The following ARHGAP26 variants were observed in gnomAD, a reference collection of about 807,000 sequenced individuals.
ARHGAP26 encodes the protein Rho GTPase activating protein 26.
In ARHGAP26, 38 loss-of-function variants were observed where a neutral mutation model predicts 104.8. That is an observed-to-expected ratio of 0.36 (90% CI 0.28 to 0.48). The LOEUF (loss-of-function observed/expected upper bound fraction) is 0.48. Among genes scored for constraint, ARHGAP26 ranks in the 20% least tolerant of loss-of-function variants. The pLI is 0.99. For synonymous variants in ARHGAP26, 341 were observed against 340.0 expected (o/e 1.00, Z -0.03); for missense variants, 704 against 947.9 (o/e 0.74, Z 3.38).
intron 4 of ARHGAP26, among the ~76,000 whole-genome samples, chr5:142,881,955 G>C (rs1438277950): frequency 6.6e-6 from 1 of 152,192 alleles, no homozygotes; most frequent in Non-Finnish European, 1.5e-5. Context: ...AGATTCTTGG[G>C]CATTCTTATG....
chr5:143,221,943 A>AGGAAGGAT (rs1164337160), intron 22 of ARHGAP26, among the ~76,000 whole-genome samples: 1 of 151,464 alleles, frequency 6.6e-6, no homozygotes, highest in Non-Finnish European at 1.5e-5. Flanking sequence ...GAAGGAAGGA[A>AGGAAGGAT]GGAAGGATGG....
intron 19 of ARHGAP26, among the ~76,000 whole-genome samples, chr5:143,137,554 C>T (rs967755035): frequency 9.2e-5 from 14 of 152,358 alleles, no homozygotes; most frequent in Non-Finnish European, 1.6e-4. Context: ...TGCGCACTCC[C>T]GCATACCTCT....
chr5:143,147,522 C>T, intron 20 of ARHGAP26, 141 bp downstream of exon 20: 1 of 1,001,108 alleles, frequency 1.0e-6, no homozygotes. Context: ...GGGAGCTCAG[C>T]TGGCTTGTTG....
intron 21 of ARHGAP26, among the ~76,000 whole-genome samples, chr5:143,210,358 A>G (rs1809260335): frequency 6.6e-6 from 1 of 151,996 alleles, no homozygotes; most frequent in Non-Finnish European, 1.5e-5. Context: ...GACCGTCCCC[A>G]GTGATTCAAT....
At chr5:143,022,001 C>T (rs556564214) in intron 12 of ARHGAP26, among the ~76,000 whole-genome samples, 2 of 152,154 alleles carry the variant, frequency 1.3e-5, no homozygotes, top group Non-Finnish European at 2.9e-5. Flanking sequence ...TTTAAATTAC[C>T]ATCTAGACTT....
chr5:142,837,797 T>C (rs1216455279), intron 1 of ARHGAP26, among the ~76,000 whole-genome samples: 1 of 152,218 alleles, frequency 6.6e-6, no homozygotes, highest in Non-Finnish European at 1.5e-5. Context: ...TTCTCTTTTC[T>C]TAGGACTAAC....
At chr5:143,058,033 T>A in intron 17 of ARHGAP26, 1 of 599,112 alleles carries the variant, frequency 1.7e-6, no homozygotes, top group Non-Finnish European at 3.2e-6. Context: ...TGGAGTGTGT[T>A]GTCCATGATA....
chr5:143,090,865 C>T (rs1185476070), intron 17 of ARHGAP26, among the ~76,000 whole-genome samples: 2 of 152,112 alleles, frequency 1.3e-5, no homozygotes, highest in African/African-American at 2.4e-5. Context: ...CGAAATCTCC[C>T]CAGATTAAAT....
intron 11 of ARHGAP26, among the ~76,000 whole-genome samples, chr5:142,983,634 A>T (rs1774272131): frequency 6.6e-6 from 1 of 152,262 alleles, no homozygotes; most frequent in African/African-American, 2.4e-5. Flanking sequence ...TCGAAAAAAT[A>T]AACTATATTT....
chr5:142,948,372 T>C (rs1057175828), intron 11 of ARHGAP26, among the ~76,000 whole-genome samples: 15 of 150,842 alleles, frequency 9.9e-5, no homozygotes, highest in African/African-American at 3.7e-4. Flanking sequence ...TGTATATATA[T>C]ATGAGTATAT....
At chr5:143,162,089 A>G (rs1282070076) in intron 20 of ARHGAP26, among the ~76,000 whole-genome samples, 1 of 152,054 alleles carries the variant, frequency 6.6e-6, no homozygotes, top group Admixed American at 6.6e-5. Context: ...TGGTAAATCC[A>G]AAGCTGAAGC....
At chr5:142,900,928 C>G (rs1385874363) in intron 6 of ARHGAP26, among the ~76,000 whole-genome samples, 1 of 152,074 alleles carries the variant, frequency 6.6e-6, no homozygotes, top group Non-Finnish European at 1.5e-5. Context: ...CCCCAAATAC[C>G]ATGGAGCTGT....
chr5:143,057,994 G>T (rs1266759836), intron 17 of ARHGAP26: 14 of 647,146 alleles, frequency 2.2e-5, no homozygotes, highest in African/African-American at 3.6e-5. Flanking sequence ...TTTTCAGGGG[G>T]ATTTTACCTA....
At chr5:142,984,619 T>C (rs1002420471) in intron 11 of ARHGAP26, among the ~76,000 whole-genome samples, 2 of 152,152 alleles carry the variant, frequency 1.3e-5, no homozygotes, top group Admixed American at 6.5e-5. Flanking sequence ...GATGAACATA[T>C]ACAGTCACAC....
chr5:143,139,617 A>C (rs565303259), intron 19 of ARHGAP26, among the ~76,000 whole-genome samples: 1 of 152,246 alleles, frequency 6.6e-6, no homozygotes, highest in Admixed American at 6.5e-5. Context: ...CTCCCCTCCA[A>C]ATCTAGCACC....
At chr5:143,197,440 A>G (rs535968706) in intron 20 of ARHGAP26, among the ~76,000 whole-genome samples, 20 of 152,204 alleles carry the variant, frequency 1.3e-4, no homozygotes, top group Non-Finnish European at 2.9e-4. Context: ...GTGGGTGTGC[A>G]GTAACATCTC....
rs780617450 is a variant in ARHGAP26, at chr5:143,207,201, C to T, written c.1992C>T (p.Pro664=). Residue 664 remains proline, a synonymous_variant, in exon 21 of 23, where the codon CCC becomes CCT. Transcript: ENST00000645722. The part of the protein sequence containing the change: ...VVKPTRPNSL[P]PNPSPTSPLS... ...TTCTGGTTGTTATGTCTTGCAGCCCCCCGAATCCAAGCCCAACTTCACCCC... is the reference window on the plus strand; with the variant it reads ...TTCTGGTTGTTATGTCTTGCAGCCCTCCGAATCCAAGCCCAACTTCACCCC... The T allele has an allele frequency of 2.5e-6, 4 of 1,613,456 alleles. No individual in the cohort carries two copies. The highest frequency in any genetic ancestry group is 3.3e-4 in the Middle Eastern group (2 of 6,060).
chr5:143,196,153 T>G (rs1283196060), intron 20 of ARHGAP26, among the ~76,000 whole-genome samples: 1 of 152,088 alleles, frequency 6.6e-6, no homozygotes, highest in Admixed American at 6.6e-5. Flanking sequence ...TAAATAATAC[T>G]AAATTATTAT....
intron 17 of ARHGAP26, among the ~76,000 whole-genome samples, chr5:143,104,155 C>T (rs549228730): frequency 1.3e-5 from 2 of 152,022 alleles, no homozygotes; most frequent in African/African-American, 4.8e-5. Context: ...TTAAAATTTT[C>T]TAGGTGGGAA....
Sources: gnomAD v4.1 joint callset for allele counts (sites outside exome capture counted in the v4.1 genomes callset) on GRCh38, gnomAD v4.1.1 for gene constraint, MANE v1.5 for transcripts, NCBI Gene and HGNC (gene_info 2026-07-23, HGNC 2026-07-21) for gene names.